Variants in ANKS1B observed in about 807,000 individuals in gnomAD.
The protein encoded by ANKS1B is ankyrin repeat and sterile alpha motif domain-containing protein 1B.
In ANKS1B, 36 loss-of-function variants were observed where a neutral mutation model predicts 148.3. The observed-to-expected ratio is 0.24, with a 90% CI of 0.19 to 0.32. The LOEUF (loss-of-function observed/expected upper bound fraction) is 0.32, where lower values mean the gene tolerates loss of function less well. ANKS1B is among the 10% of genes least tolerant of loss of function. The pLI, the probability that ANKS1B is intolerant of heterozygous loss-of-function variation, is 1.00. For missense variants in ANKS1B, 1,157 were observed against 1,542.6 expected, an observed-to-expected ratio of 0.75 and a Z score of 4.19; for synonymous variants, 542 against 560.8, an observed-to-expected ratio of 0.97 and a Z score of 0.47.
intron 14 of ANKS1B, among the ~76,000 whole-genome samples, chr12:99,200,089 T>TC (rs2081893637): frequency 6.6e-6 from 1 of 152,230 alleles, no homozygotes; most frequent in Non-Finnish European, 1.5e-5. Context: ...GTTAATGCTC[T>TC]TAAGAAGATG....
intron 12 of ANKS1B, among the ~76,000 whole-genome samples, chr12:99,378,064 T>C (rs773547980): frequency 1.3e-5 from 2 of 152,168 alleles, no homozygotes; most frequent in Non-Finnish European, 2.9e-5. Flanking sequence ...GACTATAAGA[T>C]CATTTGTGAA....
At chr12:99,185,924 C>A (rs982330532) in intron 14 of ANKS1B, among the ~76,000 whole-genome samples, 2 of 152,090 alleles carry the variant, frequency 1.3e-5, no homozygotes, top group African/African-American at 2.4e-5. Flanking sequence ...GGGCTGAAGC[C>A]AGGGAGCCAA....
intron 8 of ANKS1B, among the ~76,000 whole-genome samples, chr12:99,693,147 A>G (rs1482754301): frequency 6.6e-6 from 1 of 152,210 alleles, no homozygotes; most frequent in Non-Finnish European, 1.5e-5. Flanking sequence ...AAATAGTATA[A>G]AGTCATTTAA....
At chr12:99,841,378 C>T (rs1268887962) in intron 1 of ANKS1B, among the ~76,000 whole-genome samples, 1 of 151,896 alleles carries the variant, frequency 6.6e-6, no homozygotes, top group Non-Finnish European at 1.5e-5. Flanking sequence ...AATTTATCTA[C>T]TTATGGTGTA....
chr12:99,177,808 A>G (rs1234561003), intron 14 of ANKS1B, among the ~76,000 whole-genome samples: 2 of 152,198 alleles, frequency 1.3e-5, no homozygotes, highest in African/African-American at 4.8e-5. Flanking sequence ...ACTTGTTACT[A>G]AATTTTTTTT....
intron 8 of ANKS1B, among the ~76,000 whole-genome samples, chr12:99,677,967 C>T (rs567212503): frequency 6.6e-5 from 10 of 152,050 alleles, no homozygotes; most frequent in South Asian, 6.2e-4. Flanking sequence ...AGCAAGACTC[C>T]GTCTCAAAAA....
chr12:99,143,277 C>A (rs1047236327), intron 15 of ANKS1B, among the ~76,000 whole-genome samples: 2 of 152,002 alleles, frequency 1.3e-5, no homozygotes, highest in African/African-American at 4.8e-5. Flanking sequence ...TATTCAGAGG[C>A]CTATATTAAT....
chr12:99,103,136 A>T (rs2058378015), intron 15 of ANKS1B, among the ~76,000 whole-genome samples: 1 of 152,070 alleles, frequency 6.6e-6, no homozygotes, highest in South Asian at 2.1e-4. Flanking sequence ...GGAAGCAAGG[A>T]TGGGTGAGGT....
intron 8 of ANKS1B, among the ~76,000 whole-genome samples, chr12:99,695,158 C>T (rs1025337923): frequency 1.4e-4 from 22 of 152,012 alleles, no homozygotes; most frequent in African/African-American, 5.1e-4. Context: ...TATTTATTAT[C>T]AGGAAATCCC....
At chr12:99,944,244 A>G (rs2153818067) in intron 1 of ANKS1B, among the ~76,000 whole-genome samples, 1 of 152,298 alleles carries the variant, frequency 6.6e-6, no homozygotes, top group South Asian at 2.1e-4. Context: ...TCTTGGGCCT[A>G]GGCCCAGCGA....
chr12:99,137,137 G>GC (rs1344788101), intron 15 of ANKS1B, among the ~76,000 whole-genome samples: 2 of 152,190 alleles, frequency 1.3e-5, no homozygotes, highest in Non-Finnish European at 2.9e-5. Context: ...CTAGACTTCA[G>GC]CTCCAAATAC....
chr12:98,849,772 C>T (rs1233190457), intron 17 of ANKS1B, among the ~76,000 whole-genome samples: 1 of 152,086 alleles, frequency 6.6e-6, no homozygotes, highest in Non-Finnish European at 1.5e-5. Context: ...TAACCCTGCT[C>T]CCATTTATGA....
At chr12:99,711,552 T>C (rs2056635692) in intron 8 of ANKS1B, among the ~76,000 whole-genome samples, 2 of 152,080 alleles carry the variant, frequency 1.3e-5, no homozygotes, top group Admixed American at 6.6e-5. Context: ...ACGTGAACAC[T>C]TTCCTAAAGA....
At chr12:99,740,262 A>G (rs1230678212) in intron 8 of ANKS1B, among the ~76,000 whole-genome samples, 1 of 152,152 alleles carries the variant, frequency 6.6e-6, no homozygotes, top group Non-Finnish European at 1.5e-5. Context: ...GTGATCCATG[A>G]TCACACAACT....
intron 8 of ANKS1B, among the ~76,000 whole-genome samples, chr12:99,677,352 TTTTTTTC>T (rs2098582712): frequency 6.6e-6 from 1 of 152,088 alleles, no homozygotes; most frequent in African/African-American, 2.4e-5. Flanking sequence ...ATTTTTTTGT[TTTTTTTC>T]CTTAAGGCTG....
chr12:99,967,589 T>G (rs767366457), intron 1 of ANKS1B, among the ~76,000 whole-genome samples: 3 of 152,018 alleles, frequency 2.0e-5, no homozygotes, highest in Admixed American at 6.6e-5. Context: ...ACATTCTGCT[T>G]CTTCTTTCAC....
At chr12:99,510,724 T>C (rs1012661085) in intron 9 of ANKS1B, among the ~76,000 whole-genome samples, 10 of 152,006 alleles carry the variant, frequency 6.6e-5, no homozygotes, top group African/African-American at 1.7e-4. Flanking sequence ...TTTGAGAGGA[T>C]TGACTCCAAT....
At chr12:98,993,415 C>A (rs574823006) in intron 17 of ANKS1B, among the ~76,000 whole-genome samples, 47 of 152,146 alleles carry the variant, frequency 3.1e-4, no homozygotes, top group African/African-American at 1.1e-3. Context: ...GTGATCCGCC[C>A]GCCTTGGCCT....
intron 17 of ANKS1B, chr12:99,048,969 G>C (rs1384334205): frequency 6.6e-6 from 1 of 152,168 alleles, no homozygotes; most frequent in Non-Finnish European, 1.5e-5. Flanking sequence ...CTGTATATAG[G>C]TATAAATGCA....
Sources: allele counts gnomAD v4.1 joint callset (sites outside exome capture counted in the v4.1 genomes callset), GRCh38; gene constraint gnomAD v4.1.1; transcripts MANE v1.5; gene names NCBI Gene and HGNC (gene_info 2026-07-23, HGNC 2026-07-21).